The following SLC25A48 variants were observed in gnomAD, a reference collection of about 807,000 sequenced individuals.
SLC25A48 encodes CTC-321K16.1.
In SLC25A48, 29 loss-of-function variants were observed where a neutral mutation model predicts 32.2. That is an observed-to-expected ratio of 0.90 (90% CI 0.67 to 1.23). The LOEUF is 1.23. SLC25A48 is among the 50% of genes most tolerant of loss of function. The pLI, the probability that SLC25A48 is intolerant of heterozygous loss-of-function variation, is 0.00. For missense variants in SLC25A48, 399 were observed against 422.7 expected (o/e 0.94, Z 0.49); for synonymous variants, 164 against 172.3 (o/e 0.95, Z 0.38).
At chr5:135,627,515 C>T (rs551227795) in intron 1 of SLC25A48, among the ~76,000 whole-genome samples, 4 of 152,294 alleles carry the variant, frequency 2.6e-5, no homozygotes, top group Non-Finnish European at 5.9e-5. Flanking sequence ...CCTCTTTCCC[C>T]GTGTGGTCTT....
intron 2 of SLC25A48, among the ~76,000 whole-genome samples, chr5:135,850,106 G>A (rs754241731): frequency 2.2e-4 from 33 of 152,296 alleles, no homozygotes; most frequent in East Asian, 1.9e-4. Flanking sequence ...AGGGTGGAGC[G>A]ACAGACAGCA....
chr5:135,654,028 G>A, intron 3 of SLC25A48: 1 of 412,832 alleles, frequency 2.4e-6, no homozygotes, highest in Non-Finnish European at 4.9e-6. Context: ...GGCAGTGGCA[G>A]CCAGAGAGCC....
intron 3 of SLC25A48, 94 bp downstream of exon 3, chr5:135,850,590 GC>G (rs1436022760): frequency 8.5e-7 from 1 of 1,176,624 alleles, no homozygotes; most frequent in Non-Finnish European, 1.2e-6. Context: ...GCAGGTGGGG[GC>G]CTCTCATCCT....
intron 2 of SLC25A48, among the ~76,000 whole-genome samples, chr5:135,631,487 C>T (rs1463490288): frequency 1.3e-5 from 2 of 152,210 alleles, no homozygotes; most frequent in Non-Finnish European, 2.9e-5. Context: ...TTGCTCTGTG[C>T]AACTGGCAGT....
At chr5:135,670,983 C>T (rs1312718955) in intron 3 of SLC25A48, among the ~76,000 whole-genome samples, 1 of 152,174 alleles carries the variant, frequency 6.6e-6, no homozygotes, top group Non-Finnish European at 1.5e-5. Flanking sequence ...AATGATTAAT[C>T]CCTGGTATAC....
At chr5:135,630,245 G>A (rs116700320) in intron 2 of SLC25A48, among the ~76,000 whole-genome samples, 3,612 of 152,268 alleles carry the variant, frequency 0.024, 140 homozygotes, top group African/African-American at 0.083. Context: ...CATGGGCTTG[G>A]CTGGCTTCCT....
intron 3 of SLC25A48, among the ~76,000 whole-genome samples, chr5:135,803,329 T>C: frequency 6.6e-6 from 1 of 151,554 alleles, no homozygotes; most frequent in Admixed American, 6.6e-5. Context: ...TTCATAATAT[T>C]CCAGGGATAT....
intron 3 of SLC25A48, among the ~76,000 whole-genome samples, chr5:135,693,854 G>A (rs973758740): frequency 3.3e-5 from 5 of 152,232 alleles, no homozygotes; most frequent in African/African-American, 9.6e-5. Context: ...CTCACAGTGC[G>A]AAGGCGTGTG....
At chr5:135,620,460 G>T (rs886793967) in intron 1 of SLC25A48, among the ~76,000 whole-genome samples, 4 of 152,180 alleles carry the variant, frequency 2.6e-5, no homozygotes, top group Non-Finnish European at 1.5e-5. Flanking sequence ...TTTAGTCCTA[G>T]TCCTGCTACT....
chr5:135,847,972 CT>C (rs1759552255), intron 2 of SLC25A48, among the ~76,000 whole-genome samples: 1 of 152,146 alleles, frequency 6.6e-6, no homozygotes, highest in African/African-American at 2.4e-5. Context: ...GTATCCGTGC[CT>C]TAGAGCATCT....
chr5:135,678,052 G>T (rs1281649203), intron 3 of SLC25A48, among the ~76,000 whole-genome samples: 1 of 152,170 alleles, frequency 6.6e-6, no homozygotes, highest in African/African-American at 2.4e-5. Context: ...GTATCTGGAT[G>T]TCTAAATTTC....
chr5:135,790,195 C>A (rs1756988744), intron 3 of SLC25A48, among the ~76,000 whole-genome samples: 2 of 151,630 alleles, frequency 1.3e-5, no homozygotes, highest in Admixed American at 6.6e-5. Context: ...TCATAATAAT[C>A]TAGGGGGATG....
chr5:135,861,154 A>T (rs1177097327), intron 4 of SLC25A48, among the ~76,000 whole-genome samples: 4 of 152,224 alleles, frequency 2.6e-5, no homozygotes, highest in African/African-American at 9.6e-5. Flanking sequence ...TAAAGATTTT[A>T]AGAAGCTGTG....
intron 1 of SLC25A48, among the ~76,000 whole-genome samples, chr5:135,616,996 CT>C (rs778063769): frequency 1.3e-5 from 2 of 151,040 alleles, no homozygotes; most frequent in Non-Finnish European, 2.9e-5. Flanking sequence ...AGAATTTCCT[CT>C]TTTTTAATTT....
chr5:135,606,584 G>A (rs190786324), intron 1 of SLC25A48, among the ~76,000 whole-genome samples: 1 of 152,270 alleles, frequency 6.6e-6, no homozygotes, highest in Admixed American at 6.5e-5. Flanking sequence ...AGGTTAAGTG[G>A]CTTGGCTACA....
chr5:135,819,448 G>A (rs1030855091), intron 4 of SLC25A48, among the ~76,000 whole-genome samples: 2 of 152,162 alleles, frequency 1.3e-5, no homozygotes, highest in Non-Finnish European at 1.5e-5. Context: ...CTATTGATTC[G>A]TGCAACAGCA....
At position 135,738,649 on chromosome 5, in the gene SLC25A48, A is replaced by G. The variant is rs148036949; in HGVS notation, c.-520-73874A>G. On this transcript the variant is annotated intron_variant, in intron 3 of 10. Transcript: ENST00000646290. ...GTCTGGGCTTCTGATCTGTGAGACG[A>G]GTGCTCCGGGATCATCAAGGCCCCT... 5.5e-4 allele frequency among the ~76,000 whole-genome samples: 84 copies of G among 152,288 alleles called. 1 individual carries two copies. The highest frequency in any genetic ancestry group is 9.7e-4 in the Non-Finnish European group (66 of 68,020).
chr5:135,770,937 A>G (rs930552314), intron 3 of SLC25A48, among the ~76,000 whole-genome samples: 108 of 152,036 alleles, frequency 7.1e-4, no homozygotes, highest in African/African-American at 2.6e-3. Context: ...ATTACTTCCA[A>G]TATCTCAAGA....
intron 3 of SLC25A48, among the ~76,000 whole-genome samples, chr5:135,770,932 T>C (rs1756391484): frequency 6.6e-6 from 1 of 151,936 alleles, no homozygotes; most frequent in South Asian, 2.1e-4. Flanking sequence ...ATTATATTAC[T>C]TCCAATATCT....
Sources: allele counts gnomAD v4.1 joint callset (sites outside exome capture counted in the v4.1 genomes callset), GRCh38; gene constraint gnomAD v4.1.1; transcripts MANE v1.5; gene names NCBI Gene and HGNC (gene_info 2026-07-23, HGNC 2026-07-21).